CLUH: variants seen among roughly 807,000 people sequenced by gnomAD.
The protein encoded by CLUH is CLUH binding protein of NUMT mRNA, also known as clustered mitochondria protein homolog.
A neutral mutation model predicts 139.3 loss-of-function variants in CLUH; 77 were observed. The observed-to-expected ratio is 0.55, with a 90% CI of 0.46 to 0.67. The LOEUF is 0.67. Among genes scored for constraint, CLUH ranks in the 30% least tolerant of loss-of-function variants. The pLI is 0.00. For missense variants in CLUH, 1,876 were observed against 1,875.8 expected (o/e 1.00, Z 0.00); for synonymous variants, 999 against 801.6 (o/e 1.25, Z -4.16).
Position 2,690,510 on chromosome 17 carries a change from T to G in CLUH, c.*84A>C, listed in dbSNP as rs1056725353. On this transcript the variant is annotated 3_prime_UTR_variant, in exon 26 of 26. Coordinates refer to ENST00000651024, the MANE Select transcript of CLUH (RefSeq NM_001366661.1). ...GGAGGAAGAGGGCCTTGCTTCCTCTTCCGCCCGCAGGCTCGCCCCCTTCTC... is the reference window on the plus strand; with the variant it reads ...GGAGGAAGAGGGCCTTGCTTCCTCTGCCGCCCGCAGGCTCGCCCCCTTCTC... The G allele has an allele frequency of 1.4e-4, 178 of 1,250,586 alleles. No homozygotes were observed. Among genetic ancestry groups the G allele is most frequent in the Middle Eastern group, 5.4e-4 (2 of 3,684 alleles). 77.5% of individuals were successfully genotyped at this position (1,250,586 alleles called of 1,614,324 possible).
chr17:2,690,705 CCT>C lies in CLUH; in HGVS notation c.3934_3935del (p.Arg1312GlyfsTer2), dbSNP rs760467105. ...RHQLQEASRN[R>X]DRAEEPMATE... is the part of the protein sequence containing the mutation. ...TAGCCATGGGCTCCTCGGCTCTATC[CCT>C]GTTTCTGCTGGCCTCCTGGAGCTGG... is the stretch of plus-strand genomic sequence containing the variant. On this transcript the variant is annotated frameshift_variant, in exon 26 of 26. Transcript: ENST00000651024. LOFTEE classifies it high-confidence loss of function. The C allele has an allele frequency of 7.0e-6, 11 of 1,562,090 alleles. No individual in the cohort carries two copies. The highest frequency in any genetic ancestry group is 3.6e-5 in the South Asian group (3 of 84,396).
rs564473119 is a variant in CLUH at position 2,703,716 on chromosome 17, T to C, written c.304-227A>G. On this transcript the variant is annotated intron_variant, in intron 2 of 25. Coordinates refer to ENST00000651024, the MANE Select transcript of CLUH (RefSeq NM_001366661.1). This position sits in a 1 kb window ranked among gnomAD's most constrained non-coding sequence, Gnocchi z 4.2. Reference sequence around the variant, plus strand: ...CCATGTCCACACATGCCATGCCCTGTGTGTGCAGCCTGGAGCCTGGCCCAC... The same window carrying C: ...CCATGTCCACACATGCCATGCCCTGCGTGTGCAGCCTGGAGCCTGGCCCAC... Among the ~76,000 whole-genome samples, 1 of 152,276 alleles carries C rather than the reference T, an allele frequency of 6.6e-6. No individual in the cohort carries two copies. The highest frequency in any genetic ancestry group is 1.9e-4 in the East Asian group (1 of 5,174).
chr17:2,697,228 T>C (rs1187735640), intron 10 of CLUH, among the ~76,000 whole-genome samples: 1 of 151,704 alleles, frequency 6.6e-6, no homozygotes. Flanking sequence ...AGAAACCCCG[T>C]CTCTACTAAA....
intron 25 of CLUH, 34 bp from the exon 26 acceptor site, chr17:2,690,811 A>G: frequency 6.9e-7 from 1 of 1,452,012 alleles, no homozygotes; most frequent in Non-Finnish European, 9.0e-7. Context: ...GGTGGCTCTC[A>G]GAGGAGTCCT....
rs1299642176 is a variant in CLUH at position 2,704,304 on chromosome 17, A to G, written c.303+58T>C. 3 of 1,546,014 alleles carry G rather than the reference A, an allele frequency of 1.9e-6. No individual in the cohort carries two copies. The highest frequency in any genetic ancestry group is 2.6e-6 in the Non-Finnish European group (3 of 1,138,388). On this transcript the variant is annotated intron_variant, in intron 2 of 25. Coordinates refer to ENST00000651024, the MANE Select transcript of CLUH (RefSeq NM_001366661.1). The surrounding 1 kb of genome is among the most constrained non-coding windows in gnomAD (Gnocchi z 5.7). ...GAGCACGAGCAAGGCTGAGCTTTCC[A>G]GCTCACCCTCCCCAGCAGGCTCAGG...
chr17:2,702,982 G>A (rs770506556), intron 3 of CLUH, among the ~76,000 whole-genome samples: 4 of 152,066 alleles, frequency 2.6e-5, no homozygotes, highest in Admixed American at 6.5e-5. Context: ...CTGCCACCAC[G>A]CGCAGCTAAC....
At position 2,701,910 on chromosome 17, in the gene CLUH, G is replaced by C; in HGVS notation, c.619+4C>G. 1 of 1,613,438 alleles carries C rather than the reference G, an allele frequency of 6.2e-7. No homozygotes were observed. Among genetic ancestry groups the C allele is most frequent in the Non-Finnish European group, 8.5e-7 (1 of 1,179,864 alleles). On this transcript the variant is annotated splice_donor_region_variant and intron_variant, in intron 4 of 25. Transcript: ENST00000651024. ...CCAATCCCCGGCCCCAGTGCCTCCCGCACCTCCCAGGTCGCCGTCGGTGAA... is the reference window on the plus strand; with the variant it reads ...CCAATCCCCGGCCCCAGTGCCTCCCCCACCTCCCAGGTCGCCGTCGGTGAA...
At chr17:2,710,146 C>T (rs1225657242) in intron 1 of CLUH, among the ~76,000 whole-genome samples, 4 of 152,218 alleles carry the variant, frequency 2.6e-5, no homozygotes, top group Non-Finnish European at 4.4e-5. Flanking sequence ...CAAACACTTC[C>T]CTTAACAGCT....
In CLUH at chr17:2,707,127, T is replaced by A. The variant is rs1403576977; in HGVS notation, c.101-2563A>T. 1.0e-6 allele frequency: 1 copy of A among 967,018 alleles called. No homozygotes were observed. Among genetic ancestry groups the A allele is most frequent in the Non-Finnish European group, 1.2e-6 (1 of 813,168 alleles). The allele number at this position is 967,018 out of a possible 1,614,324, so 59.9% of individuals were successfully genotyped here. On this transcript the variant is annotated intron_variant, in intron 1 of 25. Coordinates refer to ENST00000651024, the MANE Select transcript of CLUH (RefSeq NM_001366661.1). This position sits in a 1 kb window ranked among gnomAD's most constrained non-coding sequence, Gnocchi z 7.4. Reference sequence around the variant, plus strand: ...CCACCCCTGGATGAAGGCTGAGCGATCTCCCCCGCAGGCAGCTGGCTGGCT... The same window carrying A: ...CCACCCCTGGATGAAGGCTGAGCGAACTCCCCCGCAGGCAGCTGGCTGGCT...
At chr17:2,693,791 C>A in intron 19 of CLUH, 109 bp downstream of exon 19, 2 of 1,391,242 alleles carry the variant, frequency 1.4e-6, no homozygotes, top group Middle Eastern at 2.6e-4. Context: ...GCAGAACCAG[C>A]GACTTCCTGG....
At chr17:2,698,736 A>G in intron 9 of CLUH, 146 bp from the exon 10 acceptor site, 1 of 742,726 alleles carries the variant, frequency 1.3e-6, no homozygotes, top group Non-Finnish European at 2.1e-6. Context: ...CCTCATATGT[A>G]GAAAAGGGCA....
rs752951929 is a variant in CLUH, at chr17:2,691,979, C to CCCCCG, written c.3654+20_3654+24dup. 3.0e-4 allele frequency: 214 copies of CCCCCG among 709,962 alleles called. 4 individuals are homozygous for CCCCCG. The highest frequency in any genetic ancestry group is 3.8e-4 in the South Asian group (11 of 28,674). 44.0% of individuals were successfully genotyped at this position (709,962 alleles called of 1,614,324 possible). A position where few individuals can be genotyped will look rare whatever the true frequency, so the allele number is the denominator to read the frequency against. On this transcript the variant is annotated intron_variant, in intron 23 of 25. Coordinates refer to ENST00000651024, the MANE Select transcript of CLUH (RefSeq NM_001366661.1). ...CCGCCACGCCCCCGCCCCGCCCCCG[C>CCCCCG]CCCCGCCACGCCCCCGCCGCGCACC... is the stretch of plus-strand genomic sequence containing the variant.
In CLUH at chr17:2,695,476, C is replaced by T. The variant is rs909805728; in HGVS notation, c.2442G>A (p.Leu814=). 2.3e-5 allele frequency: 37 copies of T among 1,610,066 alleles called. 1 individual carries two copies. The Admixed American group carries it at 5.8e-4, about 25-fold the overall frequency. Residue 814 remains leucine (L), a synonymous_variant, in exon 14 of 26, where the codon CTG becomes CTA. Transcript: ENST00000651024. ...TGCCCCGCTGGCGCATCACCTCTGC[C>T]AGCGTTGCCCCGTCCACGGGCAGGA... is the stretch of plus-strand genomic sequence containing the variant. The part of the protein sequence containing the change: ...HAVLPVDGAT[L]AEVMRQRGIN...
intron 19 of CLUH, 79 bp downstream of exon 19, chr17:2,693,821 C>A: frequency 6.6e-7 from 1 of 1,508,166 alleles, no homozygotes; most frequent in Non-Finnish European, 8.9e-7. Flanking sequence ...GGACTCCACC[C>A]ACTCCTCCGT....
chr17:2,707,020 C>T lies in CLUH; in HGVS notation c.101-2456G>A, dbSNP rs1384804179. Among the ~76,000 whole-genome samples, 1 of 152,194 alleles carries T rather than the reference C, an allele frequency of 6.6e-6. No homozygotes were observed. On this transcript the variant is annotated intron_variant, in intron 1 of 25. Coordinates refer to ENST00000651024, the MANE Select transcript of CLUH (RefSeq NM_001366661.1). This position sits in a 1 kb window ranked among gnomAD's most constrained non-coding sequence, Gnocchi z 7.4. ...TTCCCTATCCCGTTTCAAAGGAATG[C>T]AGCTGGCTCCCAAGGGGCCTCCTCT...
chr17:2,701,094 G>A (rs1400054731), intron 7 of CLUH, 46 bp downstream of exon 7: 2 of 1,612,422 alleles, frequency 1.2e-6, no homozygotes, highest in African/African-American at 1.3e-5. Context: ...CTCACCCCAT[G>A]CCCCCGTGTG....
Position 2,707,202 on chromosome 17 carries a change from G to A in CLUH, c.101-2638C>T, listed in dbSNP as rs913020586. ...TGCAGTTGGCAGCTGCCCTCCCCTC[G>A]GCTCTGGAGTCTCAGGATGGCCGTG... On this transcript the variant is annotated intron_variant, in intron 1 of 25. Transcript: ENST00000651024. This position sits in a 1 kb window ranked among gnomAD's most constrained non-coding sequence, Gnocchi z 7.4. The A allele has an allele frequency of 1.1e-5, 11 of 985,290 alleles. No individual in the cohort carries two copies. The African/African-American group carries it at 1.2e-4, about 11-fold the overall frequency. The allele number at this position is 985,290 out of a possible 1,614,324, so 61.0% of individuals were successfully genotyped here. A position where few individuals can be genotyped will look rare whatever the true frequency, so the allele number is the denominator to read the frequency against.
At position 2,700,697 on chromosome 17, in the gene CLUH, TC is replaced by T; in HGVS notation, c.1153del (p.Glu385ArgfsTer59). 1 of 1,529,392 alleles carries T rather than the reference TC, an allele frequency of 6.5e-7. No individual in the cohort carries two copies. The highest frequency in any genetic ancestry group is 8.7e-7 in the Non-Finnish European group (1 of 1,142,880). The allele number at this position is 1,529,392 out of a possible 1,614,324, so 94.7% of individuals were successfully genotyped here. ...AGGCACCTGTCCAGGAATGTGCTCCTCATAGCCCAGCCTCGAGGTGTAGGCG... is the reference window on the plus strand; with the variant it reads ...AGGCACCTGTCCAGGAATGTGCTCCTATAGCCCAGCCTCGAGGTGTAGGCG... Reference protein sequence around the residue: ...EDAYTSRLGYEEHIPGQTRDW... With the variant: ...EDAYTSRLGYXEHIPGQTRDW... On this transcript the variant is annotated frameshift_variant, in exon 8 of 26. Coordinates refer to ENST00000651024, the MANE Select transcript of CLUH (RefSeq NM_001366661.1). LOFTEE classifies it high-confidence loss of function.
chr17:2,695,170 ACAC>A lies in CLUH; in HGVS notation c.2607+45_2607+47del, dbSNP rs768555456. 8 of 1,613,524 alleles carry A rather than the reference ACAC, an allele frequency of 5.0e-6. No homozygotes were observed. In the African/African-American group the frequency reaches 1.1e-4, roughly 22 times the overall value. ...ACCTCAGGCTCTTTCCCGACGCCCC[ACAC>A]CACCCTGGGAGGCCATGGCCAGCCG... On this transcript the variant is annotated intron_variant, in intron 15 of 25. Coordinates refer to ENST00000651024, the MANE Select transcript of CLUH (RefSeq NM_001366661.1).
Sources: gnomAD v4.1 joint callset for allele counts (sites outside exome capture counted in the v4.1 genomes callset) on GRCh38, gnomAD v4.1.1 for gene constraint, Gnocchi (gnomAD v3.1) non-coding constraint, MANE v1.5 for transcripts, NCBI Gene and HGNC (gene_info 2026-07-23, HGNC 2026-07-21) for gene names.